Variants in ARHGAP39 observed in about 807,000 individuals in gnomAD.
The protein encoded by ARHGAP39 is Rho GTPase activating protein 39.
Under a neutral mutation model 106.9 loss-of-function variants are expected in ARHGAP39, and 44 were observed. The observed-to-expected ratio is 0.41, with a 90% CI of 0.32 to 0.53. The LOEUF (loss-of-function observed/expected upper bound fraction) is 0.53. Ranked by LOEUF, ARHGAP39 falls within the 20% of genes least tolerant of loss-of-function variation. The probability of loss-of-function intolerance (pLI) is 0.21; values close to 1 mark genes in which losing one functional copy is unlikely to be tolerated. For missense variants in ARHGAP39, 1,496 were observed against 1,577.3 expected (o/e 0.95, Z 0.87); for synonymous variants, 768 against 693.2 (o/e 1.11, Z -1.69).
chr8:144,628,341 A>G (rs1288517349), intron 1 of ARHGAP39, among the ~76,000 whole-genome samples: 5 of 151,976 alleles, frequency 3.3e-5, no homozygotes, highest in African/African-American at 1.2e-4. Flanking sequence ...GGGGACACTC[A>G]TGAGAGCTAC....
Position 144,555,619 on chromosome 8 carries a change from A to T in ARHGAP39, c.537T>A (p.Leu179=). The part of the protein sequence containing the change: ...SGSSSPPGVF[L]EKDYEIYRDY... ...CCCGGTAAATCTCATAGTCCTTCTC[A>T]AGGAACACTCCTGGTGGTGAAGAGC... is the stretch of plus-strand genomic sequence containing the variant. Residue 179 remains leucine (L), a synonymous_variant, in exon 4 of 12, where the codon CTT becomes CTA. Coordinates refer to ENST00000377307, the MANE Select transcript of ARHGAP39 (RefSeq NM_025251.3). 1 of 1,613,920 alleles carries T rather than the reference A, an allele frequency of 6.2e-7. No individual in the cohort carries two copies. The highest frequency in any genetic ancestry group is 1.6e-4 in the Middle Eastern group (1 of 6,062).
chr8:144,545,736 G>A lies in ARHGAP39; in HGVS notation c.2034C>T (p.Cys678=), dbSNP rs773283014. ...QSRSGVPSSS[C]VFPTFTLRKP... The stretch of plus-strand genomic sequence containing the variant: ...TGCGCAGCGTGAAAGTGGGGAAGAC[G>A]CAGCTGGAGCTGGGAACGCCGCTGC... The change falls in exon 6 of 12, where the codon TGC becomes TGT. Residue 678 remains cysteine, a synonymous_variant. Coordinates refer to ENST00000377307, the MANE Select transcript of ARHGAP39 (RefSeq NM_025251.3). The A allele has an allele frequency of 5.5e-5, 88 of 1,611,486 alleles. No homozygotes were observed. Among genetic ancestry groups the A allele is most frequent in the Admixed American group, 4.2e-4 (25 of 59,972 alleles).
chr8:144,698,185 C>G, the ARHGAP39 span, among the ~76,000 whole-genome samples: 3 of 152,142 alleles, frequency 2.0e-5, no homozygotes, highest in African/African-American at 7.2e-5. Flanking sequence ...CCCCCAAAAG[C>G]TGGTTGTTTA....
rs1336947859 is a variant in ARHGAP39, at chr8:144,591,585, C to T, written c.81-10308G>A. On this transcript the variant is annotated intron_variant, in intron 2 of 11. Transcript: ENST00000377307. This position sits in a 1 kb window ranked among gnomAD's most constrained non-coding sequence, Gnocchi z 5.3. ...TCCACAGGGAGCAGGATGAAGGCTCCGGGAGGCCAGTGGTGCTGGGGGACA... is the reference window on the plus strand; with the variant it reads ...TCCACAGGGAGCAGGATGAAGGCTCTGGGAGGCCAGTGGTGCTGGGGGACA... 3.3e-5 allele frequency among the ~76,000 whole-genome samples: 5 copies of T among 151,996 alleles called. No homozygotes were observed. Among genetic ancestry groups the T allele is most frequent in the Admixed American group, 6.6e-5 (1 of 15,260 alleles).
chr8:144,603,442 G>A (rs1224821967), intron 2 of ARHGAP39, among the ~76,000 whole-genome samples: 8 of 152,154 alleles, frequency 5.3e-5, no homozygotes, highest in Non-Finnish European at 8.8e-5. Context: ...TGTCATCCCA[G>A]CACTTTGGGA....
chr8:144,663,827 T>C (rs1474004078), intron 1 of ARHGAP39, among the ~76,000 whole-genome samples: 2 of 152,276 alleles, frequency 1.3e-5, no homozygotes, highest in South Asian at 2.1e-4. Flanking sequence ...GGAAACTTTA[T>C]TGGTTAACTT....
chr8:144,663,685 C>T (rs1821890458), intron 1 of ARHGAP39, among the ~76,000 whole-genome samples: 1 of 152,174 alleles, frequency 6.6e-6, no homozygotes, highest in Non-Finnish European at 1.5e-5. Context: ...CTCCCCTAGG[C>T]TCAGGCAGGC....
intron 1 of ARHGAP39, among the ~76,000 whole-genome samples, chr8:144,678,615 C>T (rs1822305153): frequency 6.6e-6 from 1 of 152,190 alleles, no homozygotes; most frequent in Non-Finnish European, 1.5e-5. Flanking sequence ...ACTGGGGAGC[C>T]AGGGAGGAGA....
intron 1 of ARHGAP39, among the ~76,000 whole-genome samples, chr8:144,682,712 G>C (rs1243291779): frequency 6.6e-6 from 1 of 152,134 alleles, no homozygotes; most frequent in Non-Finnish European, 1.5e-5. Flanking sequence ...ATACTGAGAA[G>C]TATAACAACA....
In ARHGAP39 at chr8:144,591,470, G is replaced by C. The variant is rs1022989915; in HGVS notation, c.81-10193C>G. 6.6e-6 allele frequency among the ~76,000 whole-genome samples: 1 copy of C among 152,202 alleles called. No homozygotes were observed. The highest frequency in any genetic ancestry group is 1.5e-5 in the Non-Finnish European group (1 of 68,034). ...CCTGGGCTGACCTGACCTAATTCAG[G>C]TGAACGGACCCTGAAGAAGGACTTG... On this transcript the variant is annotated intron_variant, in intron 2 of 11. Transcript: ENST00000377307. The surrounding 1 kb of genome is among the most constrained non-coding windows in gnomAD (Gnocchi z 5.3).
At chr8:144,635,384 TG>T (rs1451111999) in intron 1 of ARHGAP39, among the ~76,000 whole-genome samples, 2 of 152,084 alleles carry the variant, frequency 1.3e-5, no homozygotes, top group African/African-American at 2.4e-5. Flanking sequence ...GCTGAACACA[TG>T]GGGGGAGGTT....
At chr8:144,562,704 G>A (rs891192341) in intron 3 of ARHGAP39, among the ~76,000 whole-genome samples, 1 of 149,948 alleles carries the variant, frequency 6.7e-6, no homozygotes, top group Non-Finnish European at 1.5e-5. Flanking sequence ...TCGGACTCCA[G>A]TGGTTTCCAT....
intron 7 of ARHGAP39, among the ~76,000 whole-genome samples, chr8:144,534,409 G>A (rs1212050698): frequency 6.6e-6 from 1 of 152,210 alleles, no homozygotes; most frequent in Non-Finnish European, 1.5e-5. Flanking sequence ...CCCACCTGCA[G>A]AGGGACAGGC....
Position 144,545,263 on chromosome 8 carries a change from A to G in ARHGAP39, c.2507T>C (p.Val836Ala). 1 of 1,544,708 alleles carries G rather than the reference A, an allele frequency of 6.5e-7. No individual in the cohort carries two copies. Residue 836 changes from valine (V) to alanine (A), a missense_variant, in exon 6 of 12, where the codon GTC (valine) becomes GCC (alanine). By Grantham distance (64) the Val-to-Ala change is moderately conservative (BLOSUM62 0). This residue lies in a region of ARHGAP39 where 470 missense variants were observed against 605.1 expected (regional missense o/e 0.78). Coordinates refer to ENST00000377307, the MANE Select transcript of ARHGAP39 (RefSeq NM_025251.3). ...EGYIYRHMDP[V>A]NDTKVTQHIK... is the part of the protein sequence containing the mutation. ...CATGGCCTTACCTTTAGTGTCATTGACGGGGTCCATGTGCCGGTAGATGTA... is the reference window on the plus strand; with the variant it reads ...CATGGCCTTACCTTTAGTGTCATTGGCGGGGTCCATGTGCCGGTAGATGTA...
rs1242969080 is a variant in ARHGAP39, at chr8:144,645,541, G to A, written c.-81-39846C>T. On this transcript the variant is annotated intron_variant, in intron 1 of 11. Transcript: ENST00000377307. This position sits in a 1 kb window ranked among gnomAD's most constrained non-coding sequence, Gnocchi z 4.4. ...CCTCACTCTGGTCTCTCCTGGCAGA[G>A]TCACTGAAGGGCTCCATGAGGGCAG... 1.3e-5 allele frequency among the ~76,000 whole-genome samples: 2 copies of A among 149,562 alleles called. No homozygotes were observed. The highest frequency in any genetic ancestry group is 2.5e-5 in the African/African-American group (1 of 40,420).
chr8:144,624,123 C>T (rs941327856), intron 1 of ARHGAP39, among the ~76,000 whole-genome samples: 2 of 152,182 alleles, frequency 1.3e-5, no homozygotes, highest in Non-Finnish European at 2.9e-5. Context: ...CTTCCTTACG[C>T]TCGTGCTAAA....
At chr8:144,533,408 C>G (rs773774830) in intron 8 of ARHGAP39, 83 bp from the exon 9 acceptor site, 315 of 1,393,012 alleles carry the variant, frequency 2.3e-4, no homozygotes, top group Non-Finnish European at 2.9e-4. Context: ...TTTCCCCGAA[C>G]ATAGGTGGGT....
At chr8:144,541,600 C>T (rs1035255399) in intron 6 of ARHGAP39, among the ~76,000 whole-genome samples, 9 of 152,090 alleles carry the variant, frequency 5.9e-5, no homozygotes, top group Middle Eastern at 3.2e-3. Flanking sequence ...TAGGGCCTCA[C>T]GGAGGGAGAA....
intron 1 of ARHGAP39, among the ~76,000 whole-genome samples, chr8:144,650,750 T>G (rs949006075): frequency 1.3e-5 from 2 of 152,094 alleles, no homozygotes; most frequent in African/African-American, 4.8e-5. Context: ...TGAAGGAACA[T>G]ACCTCAAAAT....
Sources: gnomAD v4.1 joint callset for allele counts (sites outside exome capture counted in the v4.1 genomes callset) on GRCh38, gnomAD v4.1.1 for gene constraint, gnomAD v4.1.1 regional missense constraint, Gnocchi (gnomAD v3.1) non-coding constraint, MANE v1.5 for transcripts, NCBI Gene and HGNC (gene_info 2026-07-23, HGNC 2026-07-21) for gene names.